CDH12: variants seen among roughly 807,000 people sequenced by gnomAD.
CDH12 encodes the protein cadherin-12.
Under a neutral mutation model 74.1 loss-of-function variants are expected in CDH12, and 41 were observed. That is an observed-to-expected ratio of 0.55 (90% CI 0.43 to 0.72). The LOEUF (loss-of-function observed/expected upper bound fraction) is 0.72, where lower values mean the gene tolerates loss of function less well. CDH12 is among the 30% of genes least tolerant of loss of function. The pLI, the probability that CDH12 is intolerant of heterozygous loss-of-function variation, is 0.00. For missense variants in CDH12, 945 were observed against 977.2 expected (o/e 0.97, Z 0.44); for synonymous variants, 399 against 355.0 (o/e 1.12, Z -1.39).
intron 1 of CDH12, among the ~76,000 whole-genome samples, chr5:22,822,585 C>G (rs1749764662): frequency 6.6e-6 from 1 of 152,166 alleles, no homozygotes; most frequent in Non-Finnish European, 1.5e-5. Flanking sequence ...TATGAACAGA[C>G]ATTTCTCAAA....
At chr5:22,530,329 T>C (rs1367743076) in intron 1 of CDH12, among the ~76,000 whole-genome samples, 1 of 152,120 alleles carries the variant, frequency 6.6e-6, no homozygotes, top group African/African-American at 2.4e-5. Flanking sequence ...CTACATGAAT[T>C]TTACATGGAC....
At chr5:22,034,875 C>T (rs1739065435) in intron 5 of CDH12, among the ~76,000 whole-genome samples, 1 of 152,064 alleles carries the variant, frequency 6.6e-6, no homozygotes, top group African/African-American at 2.4e-5. Context: ...TTTTTGATGT[C>T]CTGAATAAGC....
chr5:22,088,318 G>T (rs1743196656), intron 4 of CDH12, among the ~76,000 whole-genome samples: 1 of 152,088 alleles, frequency 6.6e-6, no homozygotes, highest in East Asian at 1.9e-4. Flanking sequence ...AGTGGGTGTG[G>T]AGGAGAGAAC....
At chr5:22,339,072 G>A (rs936664949) in intron 3 of CDH12, among the ~76,000 whole-genome samples, 18 of 152,184 alleles carry the variant, frequency 1.2e-4, no homozygotes, top group African/African-American at 4.1e-4. Context: ...TATGACTCCT[G>A]AGCAGAGAAA....
At chr5:22,756,153 G>C (rs1050306108) in intron 1 of CDH12, among the ~76,000 whole-genome samples, 1 of 147,736 alleles carries the variant, frequency 6.8e-6, no homozygotes, top group Admixed American at 6.9e-5. Flanking sequence ...GCTTTGCTTT[G>C]CTGTGTTCTG....
intron 4 of CDH12, among the ~76,000 whole-genome samples, chr5:22,124,920 C>T (rs1365445479): frequency 1.2e-4 from 18 of 152,290 alleles, no homozygotes; most frequent in South Asian, 2.1e-4. Context: ...TGCATTATTA[C>T]TCTTTCAATT....
chr5:21,860,391 T>C (rs1020398562), intron 6 of CDH12, among the ~76,000 whole-genome samples: 3 of 151,366 alleles, frequency 2.0e-5, no homozygotes, highest in Admixed American at 6.6e-5. Context: ...ATTTGGGGAT[T>C]ATGTATGACT....
chr5:22,076,155 T>A (rs142820928), intron 5 of CDH12, among the ~76,000 whole-genome samples: 49 of 152,258 alleles, frequency 3.2e-4, no homozygotes, highest in African/African-American at 1.1e-3. Flanking sequence ...TGGAGCCCTG[T>A]ACCAGCGGAA....
At chr5:22,285,706 A>G (rs1179614057) in intron 3 of CDH12, among the ~76,000 whole-genome samples, 1 of 152,138 alleles carries the variant, frequency 6.6e-6, no homozygotes, top group African/African-American at 2.4e-5. Context: ...ATCTAAGTCA[A>G]CTTTCAGTTC....
intron 6 of CDH12, among the ~76,000 whole-genome samples, chr5:21,929,058 A>C (rs576331744): frequency 2.0e-5 from 3 of 151,966 alleles, no homozygotes; most frequent in Non-Finnish European, 4.4e-5. Flanking sequence ...GATTTATGGT[A>C]ATGAGAATAC....
chr5:22,111,505 C>G (rs1580267046), intron 4 of CDH12, among the ~76,000 whole-genome samples: 1 of 152,142 alleles, frequency 6.6e-6, no homozygotes, highest in East Asian at 1.9e-4. Context: ...ATTTGGTGCT[C>G]TTGGTTACAA....
chr5:22,283,133 C>A (rs551696213), intron 3 of CDH12, among the ~76,000 whole-genome samples: 24 of 149,560 alleles, frequency 1.6e-4, no homozygotes, highest in African/African-American at 5.9e-4. Context: ...ATTTGTCCAT[C>A]TTCTAGAAAT....
chr5:22,236,673 C>T (rs944408077), intron 3 of CDH12, among the ~76,000 whole-genome samples: 7 of 152,136 alleles, frequency 4.6e-5, no homozygotes, highest in Middle Eastern at 3.4e-3. Context: ...CTTGAACCCG[C>T]GAGGCAGAGG....
At chr5:22,087,873 C>G (rs115303640) in intron 4 of CDH12, among the ~76,000 whole-genome samples, 1 of 152,082 alleles carries the variant, frequency 6.6e-6, no homozygotes, top group Non-Finnish European at 1.5e-5. Context: ...AGAAAGTTTC[C>G]AGAAAGCCAC....
chr5:22,685,856 C>T (rs911603987), intron 1 of CDH12, among the ~76,000 whole-genome samples: 5 of 152,086 alleles, frequency 3.3e-5, no homozygotes, highest in African/African-American at 1.2e-4. Context: ...CCATTACGAA[C>T]ATGTGTGTAC....
intron 1 of CDH12, among the ~76,000 whole-genome samples, chr5:22,825,294 AG>A (rs1442194277): frequency 6.9e-6 from 1 of 144,394 alleles, no homozygotes; most frequent in Non-Finnish European, 1.6e-5. Flanking sequence ...TTTTAGAAAA[AG>A]GAGACAACAA....
chr5:21,759,913 A>G (rs1744619453), intron 13 of CDH12, among the ~76,000 whole-genome samples: 2 of 151,978 alleles, frequency 1.3e-5, no homozygotes, highest in Admixed American at 6.6e-5. Context: ...TTGAGCTCCC[A>G]CTTATAAGTG....
intron 8 of CDH12, among the ~76,000 whole-genome samples, chr5:21,834,125 T>A (rs1472721956): frequency 6.6e-6 from 1 of 151,178 alleles, no homozygotes; most frequent in Non-Finnish European, 1.5e-5. Context: ...AGTACCTGAA[T>A]ACAAGGTCAT....
chr5:22,673,791 A>T (rs1741024578), intron 1 of CDH12, among the ~76,000 whole-genome samples: 1 of 152,204 alleles, frequency 6.6e-6, no homozygotes, highest in African/African-American at 2.4e-5. Context: ...TAATGGTAAT[A>T]AGGAAAAATA....
Sources: gnomAD v4.1 joint callset for allele counts (sites outside exome capture counted in the v4.1 genomes callset) on GRCh38, gnomAD v4.1.1 for gene constraint, MANE v1.5 for transcripts, NCBI Gene and HGNC (gene_info 2026-07-23, HGNC 2026-07-21) for gene names.